The following DGKB variants were observed in gnomAD, a reference collection of about 807,000 sequenced individuals.
DGKB encodes the protein 90 kDa diacylglycerol kinase.
In DGKB, 67 loss-of-function variants were observed where a neutral mutation model predicts 114.3. The ratio of observed to expected loss-of-function variants is 0.59; its 90% CI spans 0.48 to 0.72. DGKB has a LOEUF of 0.72. DGKB is among the 30% of genes least tolerant of loss of function. The probability of loss-of-function intolerance (pLI) is 0.00; values close to 1 mark genes in which losing one functional copy is unlikely to be tolerated. For synonymous variants in DGKB, 398 were observed against 323.1 expected, an observed-to-expected ratio of 1.23 and a Z score of -2.49; for missense variants, 907 against 975.2, an observed-to-expected ratio of 0.93 and a Z score of 0.93.
chr7:14,643,390 C>G (rs926215089), intron 13 of DGKB, among the ~76,000 whole-genome samples: 7 of 152,144 alleles, frequency 4.6e-5, no homozygotes, highest in Non-Finnish European at 1.0e-4. Flanking sequence ...GCCCTACACT[C>G]CTGGGACCAA....
intron 1 of DGKB, among the ~76,000 whole-genome samples, chr7:14,919,089 C>CAA (rs1554345172): frequency 2.5e-4 from 31 of 124,348 alleles, no homozygotes; most frequent in African/African-American, 8.1e-4. Context: ...CACACACACA[C>CAA]ACACAAACAC....
In DGKB at chr7:14,399,088, T is replaced by C. The variant is rs984400314; in HGVS notation, c.1836-53697A>G. On this transcript the variant is annotated intron_variant, in intron 21 of 25. Coordinates refer to ENST00000402815, the MANE Select transcript of DGKB (RefSeq NM_001350709.2). ...TTTCCTCGGCGACTTAGAAAACATATGTATCCGAGTTGAATTTTTAACTTC... is the reference window on the plus strand; with the variant it reads ...TTTCCTCGGCGACTTAGAAAACATACGTATCCGAGTTGAATTTTTAACTTC... Among the ~76,000 whole-genome samples, 12 of 151,588 alleles carry C rather than the reference T, an allele frequency of 7.9e-5. 1 individual carries two copies. Among genetic ancestry groups the C allele is most frequent in the Admixed American group, 4.6e-4 (7 of 15,190 alleles).
At chr7:14,959,958 A>G (rs543019216) in intron 1 of DGKB, among the ~76,000 whole-genome samples, 1 of 152,176 alleles carries the variant, frequency 6.6e-6, no homozygotes, top group Admixed American at 6.6e-5. Context: ...ATCATGAGGG[A>G]AAACATAACA....
chr7:14,290,870 T>C (rs946212686), intron 23 of DGKB, among the ~76,000 whole-genome samples: 7 of 152,054 alleles, frequency 4.6e-5, no homozygotes, highest in Non-Finnish European at 1.0e-4. Flanking sequence ...TGGCCAGGCA[T>C]GGTGGCACAC....
intron 2 of DGKB, among the ~76,000 whole-genome samples, chr7:14,814,446 A>C (rs944796742): frequency 6.6e-6 from 1 of 152,182 alleles, no homozygotes; most frequent in African/African-American, 2.4e-5. Flanking sequence ...AAACACAGAG[A>C]TATGTATTGT....
intron 23 of DGKB, among the ~76,000 whole-genome samples, chr7:14,305,432 C>G (rs1237821128): frequency 6.6e-6 from 1 of 152,062 alleles, no homozygotes; most frequent in African/African-American, 2.4e-5. Flanking sequence ...AAATAAAGGT[C>G]TAACACCTAG....
intron 17 of DGKB, among the ~76,000 whole-genome samples, chr7:14,588,471 T>A (rs1176791559): frequency 1.3e-5 from 2 of 152,016 alleles, no homozygotes; most frequent in African/African-American, 4.8e-5. Flanking sequence ...AAATGTCAGT[T>A]TTACTTTTGA....
chr7:14,944,286 C>A (rs75000270), intron 1 of DGKB, among the ~76,000 whole-genome samples: 1,837 of 151,848 alleles, frequency 0.012, 26 homozygotes, highest in African/African-American at 0.036. Context: ...TATTTTGTAT[C>A]ATTTAACACC....
chr7:14,189,799 A>G (rs1784039982), intron 23 of DGKB, among the ~76,000 whole-genome samples: 1 of 152,202 alleles, frequency 6.6e-6, no homozygotes, highest in Admixed American at 6.5e-5. Flanking sequence ...AACTGTTAAA[A>G]GAGGCAGAGA....
intron 20 of DGKB, among the ~76,000 whole-genome samples, chr7:14,559,749 C>T (rs1418097162): frequency 1.3e-5 from 2 of 152,190 alleles, no homozygotes; most frequent in Non-Finnish European, 2.9e-5. Context: ...GGATCTCAAA[C>T]ATTTGTGAAC....
At chr7:14,732,385 A>G (rs1831053082) in intron 5 of DGKB, among the ~76,000 whole-genome samples, 1 of 152,166 alleles carries the variant, frequency 6.6e-6, no homozygotes, top group African/African-American at 2.4e-5. Context: ...TTCAGCCACA[A>G]AAACACCTCG....
At chr7:14,916,881 A>G (rs1233748310) in intron 1 of DGKB, among the ~76,000 whole-genome samples, 1 of 152,094 alleles carries the variant, frequency 6.6e-6, no homozygotes, top group African/African-American at 2.4e-5. Context: ...AAGATAGACC[A>G]CATTCTGGGC....
At chr7:14,245,167 T>TAC (rs111929500) in intron 23 of DGKB, among the ~76,000 whole-genome samples, 3,543 of 149,290 alleles carry the variant, frequency 0.024, 147 homozygotes, top group African/African-American at 0.08. Context: ...TATGTACACA[T>TAC]ACACACACAC....
At chr7:14,700,662 A>G (rs1825010531) in intron 7 of DGKB, among the ~76,000 whole-genome samples, 1 of 152,202 alleles carries the variant, frequency 6.6e-6, no homozygotes, top group Non-Finnish European at 1.5e-5. Flanking sequence ...ACTCAAAGTT[A>G]CATAAATAGG....
chr7:14,395,005 A>G (rs1225014623), intron 21 of DGKB, among the ~76,000 whole-genome samples: 1 of 152,150 alleles, frequency 6.6e-6, no homozygotes, highest in Admixed American at 6.5e-5. Context: ...GAGTGTTGCA[A>G]CAGGAACTAA....
chr7:14,605,575 C>G (rs1055078903), intron 17 of DGKB, among the ~76,000 whole-genome samples: 3 of 151,562 alleles, frequency 2.0e-5, no homozygotes, highest in Non-Finnish European at 1.5e-5. Flanking sequence ...AGACTTTTTA[C>G]AGTTACATAC....
upstream of DGKB, among the ~76,000 whole-genome samples, chr7:14,904,272 C>G (rs1783539778): frequency 6.6e-6 from 1 of 152,060 alleles, no homozygotes; most frequent in African/African-American, 2.4e-5. Flanking sequence ...AATCCACTTT[C>G]AGCCTCCAGT....
chr7:14,188,953 G>T (rs941930042), intron 23 of DGKB, among the ~76,000 whole-genome samples: 4 of 152,022 alleles, frequency 2.6e-5, no homozygotes, highest in African/African-American at 4.8e-5. Flanking sequence ...TTCCAGAAAT[G>T]AAGAAGAAAT....
chr7:14,617,395 G>A (rs578242136), intron 15 of DGKB, among the ~76,000 whole-genome samples: 2 of 151,662 alleles, frequency 1.3e-5, no homozygotes, highest in Admixed American at 6.6e-5. Context: ...CAATTCATCA[G>A]CATATCTTTT....
Sources: allele counts gnomAD v4.1 joint callset (sites outside exome capture counted in the v4.1 genomes callset), GRCh38; gene constraint gnomAD v4.1.1; transcripts MANE v1.5; gene names NCBI Gene and HGNC (gene_info 2026-07-23, HGNC 2026-07-21).